The following PLEKHH2 variants were observed in gnomAD, a reference collection of about 807,000 sequenced individuals.
PLEKHH2 encodes pleckstrin homology, MyTH4 and FERM domain containing H2.
A neutral mutation model predicts 187.9 loss-of-function variants in PLEKHH2; 129 were observed. That is an observed-to-expected ratio of 0.69 (90% CI 0.59 to 0.79). The LOEUF (loss-of-function observed/expected upper bound fraction) is 0.79. PLEKHH2 is among the 30% of genes least tolerant of loss of function. The pLI is 0.00. For synonymous variants in PLEKHH2, 686 were observed against 605.6 expected, an observed-to-expected ratio of 1.13 and a Z score of -1.95; for missense variants, 2,076 against 1,751.2, an observed-to-expected ratio of 1.19 and a Z score of -3.31.
chr2:43,752,827 C>T (rs866174932), intron 24 of PLEKHH2, among the ~76,000 whole-genome samples: 35 of 152,118 alleles, frequency 2.3e-4, no homozygotes, highest in Admixed American at 4.6e-4. Flanking sequence ...ATGAAGACCC[C>T]CCTAGGCAGA....
At chr2:43,700,639 C>G (rs765774502) in intron 8 of PLEKHH2, 31 bp downstream of exon 8, 2 of 1,561,536 alleles carry the variant, frequency 1.3e-6, no homozygotes, top group East Asian at 2.2e-5. Flanking sequence ...AACACATACG[C>G]AGTAGTTTTT....
rs747906900 is a variant in PLEKHH2, at chr2:43,731,561, C to G, written c.2902C>G (p.Pro968Ala). 6.2e-6 allele frequency: 10 copies of G among 1,601,596 alleles called. No individual in the cohort carries two copies. The highest frequency in any genetic ancestry group is 8.6e-6 in the Non-Finnish European group (10 of 1,169,508). The change falls in exon 19 of 30, where the codon CCT (proline) becomes GCT (alanine). Residue 968 changes from proline (P) to alanine (A), a missense_variant. Transcript: ENST00000282406. ...AATCATTTCCCCTCTGACAACTCTA[C>G]CTTCCGAAGCCCTGCAGACAGAAGC... ...EGIISPLTTL[P>A]SEALQTEAIK...
At chr2:43,722,230 T>C (rs1205767671) in intron 16 of PLEKHH2, among the ~76,000 whole-genome samples, 1 of 147,116 alleles carries the variant, frequency 6.8e-6, no homozygotes, top group Non-Finnish European at 1.5e-5. Flanking sequence ...CATTCCAGCC[T>C]GGGCGACAGA....
At chr2:43,701,934 A>C (rs964028165) in intron 8 of PLEKHH2, among the ~76,000 whole-genome samples, 6 of 151,980 alleles carry the variant, frequency 3.9e-5, no homozygotes, top group African/African-American at 7.3e-5. Context: ...CACCTGGCTA[A>C]TTTTTTGTAT....
At position 43,767,646 on chromosome 2, in the gene PLEKHH2, G is replaced by A. The variant is rs1349340260; in HGVS notation, c.*2048G>A. ...GACAGAGCTGTTACTTATGTGTGAGGGCTTTATTCTCAGGCAGTAGTTTAT... is the reference window on the plus strand; with the variant it reads ...GACAGAGCTGTTACTTATGTGTGAGAGCTTTATTCTCAGGCAGTAGTTTAT... On this transcript the variant is annotated 3_prime_UTR_variant, in exon 30 of 30. Coordinates refer to ENST00000282406, the MANE Select transcript of PLEKHH2 (RefSeq NM_172069.4). The A allele has an allele frequency of 6.6e-6, 1 of 152,530 alleles. No individual in the cohort carries two copies. The highest frequency in any genetic ancestry group is 2.4e-5 in the African/African-American group (1 of 41,370). The allele number at this position is 152,530 out of a possible 1,614,324, so 9.4% of individuals were successfully genotyped here.
At position 43,767,847 on chromosome 2, in the gene PLEKHH2, G is replaced by T. The variant is rs375834803; in HGVS notation, c.*2249G>T. On this transcript the variant is annotated 3_prime_UTR_variant, in exon 30 of 30. Coordinates refer to ENST00000282406, the MANE Select transcript of PLEKHH2 (RefSeq NM_172069.4). Reference sequence around the variant, plus strand: ...TGATGATGTGAAAATTTTATTTTCTGGGAAATTATATAGCCATTCAAAAAT... The same window carrying T: ...TGATGATGTGAAAATTTTATTTTCTTGGAAATTATATAGCCATTCAAAAAT... 39 of 152,806 alleles carry T rather than the reference G, an allele frequency of 2.6e-4. 1 individual carries two copies. Among genetic ancestry groups the T allele is most frequent in the African/African-American group, 9.2e-4 (38 of 41,528 alleles). The allele number at this position is 152,806 out of a possible 1,614,324, so 9.5% of individuals were successfully genotyped here.
At chr2:43,692,729 A>T in intron 4 of PLEKHH2, 66 bp downstream of exon 4, 1 of 1,497,428 alleles carries the variant, frequency 6.7e-7, no homozygotes, top group East Asian at 2.3e-5. Flanking sequence ...ACAAAGATTA[A>T]AAAGAGAGAG....
Position 43,731,533 on chromosome 2 carries a change from A to T in PLEKHH2, c.2874A>T (p.Glu958Asp). 6.2e-7 allele frequency: 1 copy of T among 1,607,132 alleles called. No homozygotes were observed. The highest frequency in any genetic ancestry group is 8.5e-7 in the Non-Finnish European group (1 of 1,174,034). ...ACCCCACTTTGTGTCACAGTAAAGA[A>T]GGAATCATTTCCCCTCTGACAACTC... is the stretch of plus-strand genomic sequence containing the variant. ...WRHPTLCHSK[E>D]GIISPLTTLP... The change falls in exon 19 of 30, where the codon GAA becomes GAT. Residue 958 changes from glutamate (E) to aspartate (D), a missense_variant. Transcript: ENST00000282406.
chr2:43,742,240 G>A (rs757577128), intron 21 of PLEKHH2, among the ~76,000 whole-genome samples: 4 of 151,950 alleles, frequency 2.6e-5, no homozygotes, highest in Non-Finnish European at 5.9e-5. Context: ...GACCTCAGGT[G>A]ATCTGCCCAC....
chr2:43,749,359 A>C (rs1671915286), intron 24 of PLEKHH2, among the ~76,000 whole-genome samples: 1 of 152,090 alleles, frequency 6.6e-6, no homozygotes, highest in Non-Finnish European at 1.5e-5. Context: ...CCTAGACCAA[A>C]CCAATAGATT....
At chr2:43,693,723 CAAAA>C (rs70965316) in intron 4 of PLEKHH2, among the ~76,000 whole-genome samples, 3 of 69,700 alleles carry the variant, frequency 4.3e-5, no homozygotes, top group African/African-American at 6.6e-5. Context: ...GACTCCATCT[CAAAA>C]AAAAAAAAAA....
At chr2:43,755,652 A>G (rs1182859334) in intron 25 of PLEKHH2, among the ~76,000 whole-genome samples, 2 of 152,130 alleles carry the variant, frequency 1.3e-5, no homozygotes, top group African/African-American at 4.8e-5. Context: ...ATAGCTTGAG[A>G]GCCAGTTGTC....
intron 3 of PLEKHH2, chr2:43,680,764 C>G (rs776199374): frequency 7.8e-6 from 3 of 385,450 alleles, no homozygotes; most frequent in Non-Finnish European, 1.5e-5. Context: ...GGCAGCCGTA[C>G]AAAGTTTGTC....
At position 43,687,024 on chromosome 2, in the gene PLEKHH2, G is replaced by A. The variant is rs192809985; in HGVS notation, c.187-5490G>A. Among the ~76,000 whole-genome samples the A allele has an allele frequency of 2.5e-3, 387 of 151,958 alleles. 1 individual carries two copies. Among genetic ancestry groups the A allele is most frequent in the South Asian group, 7.1e-3 (34 of 4,778 alleles). The stretch of plus-strand genomic sequence containing the variant: ...TTTAACTGTTATTTTAGACTCAGAG[G>A]GTACATGTGCAGGTTTGCTACATGG... On this transcript the variant is annotated intron_variant, in intron 3 of 29. Coordinates refer to ENST00000282406, the MANE Select transcript of PLEKHH2 (RefSeq NM_172069.4).
chr2:43,685,753 A>G (rs1309657835), intron 3 of PLEKHH2, among the ~76,000 whole-genome samples: 2 of 152,060 alleles, frequency 1.3e-5, no homozygotes, highest in Admixed American at 6.6e-5. Context: ...GCCCTAGTGC[A>G]TCTTTATTAT....
chr2:43,716,206 C>A (rs1010096810), intron 15 of PLEKHH2, among the ~76,000 whole-genome samples: 2 of 151,764 alleles, frequency 1.3e-5, no homozygotes, highest in East Asian at 3.9e-4. Flanking sequence ...AAGGGGAAGG[C>A]CCCTGGAAGA....
rs780988749 is a variant in PLEKHH2, at chr2:43,692,615, G to A, written c.288G>A (p.Gln96=). Residue 96 remains glutamine (Q), a synonymous_variant, in exon 4 of 30, where the codon CAG becomes CAA. Coordinates refer to ENST00000282406, the MANE Select transcript of PLEKHH2 (RefSeq NM_172069.4). ...GTCAAGATCTGGAGTCGCTAATACA[G>A]GAAAAAGATGACGTCATTCAAAACT... The part of the protein sequence containing the change: ...NKCQDLESLI[Q]EKDDVIQNLE... 18 of 1,612,686 alleles carry A rather than the reference G, an allele frequency of 1.1e-5. No individual in the cohort carries two copies. Among genetic ancestry groups the A allele is most frequent in the Admixed American group, 3.3e-5 (2 of 59,756 alleles).
intron 3 of PLEKHH2, 143 bp downstream of exon 3, chr2:43,679,068 G>A (rs1668027183): frequency 2.4e-5 from 12 of 491,750 alleles, no homozygotes; most frequent in Non-Finnish European, 3.2e-5. Flanking sequence ...AAAGAAAATG[G>A]AGAATCTAAC....
intron 3 of PLEKHH2, among the ~76,000 whole-genome samples, chr2:43,685,867 T>C (rs1668479237): frequency 6.6e-6 from 1 of 152,262 alleles, no homozygotes; most frequent in Non-Finnish European, 1.5e-5. Context: ...TGGAAAATAC[T>C]GACATATGGG....
Sources: gnomAD v4.1 joint callset for allele counts (sites outside exome capture counted in the v4.1 genomes callset) on GRCh38, gnomAD v4.1.1 for gene constraint, MANE v1.5 for transcripts, NCBI Gene and HGNC (gene_info 2026-07-23, HGNC 2026-07-21) for gene names.